CNTNAP2: variants seen among roughly 807,000 people sequenced by gnomAD.
CNTNAP2 encodes the protein contactin associated protein 2, also known as contactin-associated protein-like 2.
A neutral mutation model predicts 155.2 loss-of-function variants in CNTNAP2; 98 were observed. That is an observed-to-expected ratio of 0.63 (90% CI 0.54 to 0.75). The LOEUF is 0.75. CNTNAP2 is among the 30% of genes least tolerant of loss of function. The pLI is 0.00. For synonymous variants in CNTNAP2, 651 were observed against 631.2 expected (o/e 1.03, Z -0.47); for missense variants, 1,727 against 1,688.1 (o/e 1.02, Z -0.40).
At chr7:148,207,802 C>T (rs749501471) in intron 18 of CNTNAP2, among the ~76,000 whole-genome samples, 51 of 152,092 alleles carry the variant, frequency 3.4e-4, no homozygotes, top group Non-Finnish European at 6.2e-4. Context: ...TTGGAGGACA[C>T]CCTTTAAGAA....
intron 2 of CNTNAP2, among the ~76,000 whole-genome samples, chr7:146,778,970 G>C (rs1325596456): frequency 6.6e-6 from 1 of 152,160 alleles, no homozygotes; most frequent in Non-Finnish European, 1.5e-5. Context: ...ATCGTTTTGG[G>C]AACCCAGGGG....
At chr7:147,363,218 T>C (rs948184007) in intron 9 of CNTNAP2, among the ~76,000 whole-genome samples, 7 of 152,182 alleles carry the variant, frequency 4.6e-5, no homozygotes, top group African/African-American at 1.7e-4. Flanking sequence ...GACTAGAGCT[T>C]ACTCTCTGCT....
intron 1 of CNTNAP2, among the ~76,000 whole-genome samples, chr7:146,607,571 G>A (rs912666663): frequency 1.3e-5 from 2 of 151,966 alleles, no homozygotes; most frequent in Admixed American, 1.3e-4. Flanking sequence ...CAATCTCCTG[G>A]GCTCAAGCAT....
At chr7:147,118,736 T>C (rs1265923634) in intron 5 of CNTNAP2, among the ~76,000 whole-genome samples, 1 of 152,158 alleles carries the variant, frequency 6.6e-6, no homozygotes, top group Middle Eastern at 3.2e-3. Flanking sequence ...CTGGTAAGTA[T>C]TTGCATATCA....
rs970947381 is a variant in CNTNAP2 at position 147,903,572 on chromosome 7, C to A, written c.2106C>A (p.Ser702Arg). 6.2e-7 allele frequency: 1 copy of A among 1,614,064 alleles called. No homozygotes were observed. Among genetic ancestry groups the A allele is most frequent in the African/African-American group, 1.3e-5 (1 of 74,936 alleles). The change falls in exon 14 of 24, where the codon AGC becomes AGA. Residue 702 changes from serine to arginine, a missense_variant. Transcript: ENST00000361727. ...MSRLLNTPDG[S>R]PYTWWVGKAN... is the part of the protein sequence containing the mutation. The stretch of plus-strand genomic sequence containing the variant: ...CTTTGCCTTTTCTTGTAGATGGAAG[C>A]CCTTACACTTGGTGGGTTGGCAAAG...
intron 14 of CNTNAP2, among the ~76,000 whole-genome samples, chr7:147,947,949 G>C (rs982303902): frequency 1.3e-5 from 2 of 151,934 alleles, no homozygotes; most frequent in African/African-American, 4.8e-5. Flanking sequence ...GCTTCCAAAG[G>C]AAACATGGTC....
intron 1 of CNTNAP2, among the ~76,000 whole-genome samples, chr7:146,206,749 GT>G (rs1798952950): frequency 2.0e-5 from 3 of 152,022 alleles, no homozygotes; most frequent in Middle Eastern, 3.4e-3. Flanking sequence ...ATGTTCAGGT[GT>G]TTCTTTAATG....
At chr7:146,288,529 G>GA (rs779452141) in intron 1 of CNTNAP2, among the ~76,000 whole-genome samples, 4 of 151,342 alleles carry the variant, frequency 2.6e-5, no homozygotes, top group African/African-American at 7.3e-5. Context: ...ACGTTGATGA[G>GA]AAAAAAAAGT....
At chr7:147,020,613 T>G (rs796677765) in intron 3 of CNTNAP2, among the ~76,000 whole-genome samples, 1 of 152,320 alleles carries the variant, frequency 6.6e-6, no homozygotes, top group African/African-American at 2.4e-5. Context: ...ATACACTCCG[T>G]AAGGCCCAGT....
chr7:147,367,103 A>G (rs1796245394), intron 9 of CNTNAP2, among the ~76,000 whole-genome samples: 1 of 152,198 alleles, frequency 6.6e-6, no homozygotes, highest in South Asian at 2.1e-4. Flanking sequence ...AAAAGCACCA[A>G]AACAAACACA....
intron 4 of CNTNAP2, chr7:147,097,403 T>C (rs899783208): frequency 6.6e-6 from 1 of 152,284 alleles, no homozygotes; most frequent in Non-Finnish European, 1.5e-5. Context: ...CTGGGCACTT[T>C]ACAAAAGAAA....
In CNTNAP2 at chr7:147,128,984, A is replaced by G. The variant is rs535908327; in HGVS notation, c.1083+148A>G. 11 of 1,046,794 alleles carry G rather than the reference A, an allele frequency of 1.1e-5. 1 individual carries two copies. Among genetic ancestry groups the G allele is most frequent in the African/African-American group, 7.9e-5 (5 of 63,442 alleles). The allele number at this position is 1,046,794 out of a possible 1,614,324, so 64.8% of individuals were successfully genotyped here. On this transcript the variant is annotated intron_variant, in intron 7 of 23. Transcript: ENST00000361727. ...ATGTAAAACAAACATTAGAGTTATC[A>G]GAATTAGTATAGATACTTGCTATTC...
chr7:146,666,116 A>G (rs1012688540), intron 1 of CNTNAP2, among the ~76,000 whole-genome samples: 1 of 152,020 alleles, frequency 6.6e-6, no homozygotes, highest in Non-Finnish European at 1.5e-5. Context: ...GTAATATTGT[A>G]TCCTTTGATA....
chr7:147,872,337 C>T (rs183253853), intron 13 of CNTNAP2, among the ~76,000 whole-genome samples: 58 of 152,134 alleles, frequency 3.8e-4, no homozygotes, highest in African/African-American at 1.3e-3. Flanking sequence ...AAATATAAGC[C>T]TAAAATCATT....
intron 1 of CNTNAP2, among the ~76,000 whole-genome samples, chr7:146,747,025 T>G (rs1035668938): frequency 2.0e-5 from 3 of 152,264 alleles, no homozygotes; most frequent in Middle Eastern, 6.8e-3. Context: ...CCTGAATTCT[T>G]AAGGAATATG....
chr7:146,378,418 C>T (rs1795334938), intron 1 of CNTNAP2, among the ~76,000 whole-genome samples: 1 of 152,094 alleles, frequency 6.6e-6, no homozygotes, highest in African/African-American at 2.4e-5. Context: ...ATGATGATGA[C>T]AATGACGACA....
chr7:147,628,929 A>C (rs551780544), intron 12 of CNTNAP2, among the ~76,000 whole-genome samples: 6 of 151,994 alleles, frequency 3.9e-5, no homozygotes, highest in Admixed American at 6.6e-5. Flanking sequence ...AATTACTCCA[A>C]CAGAAAAATA....
At chr7:147,703,847 G>A (rs567985505) in intron 13 of CNTNAP2, among the ~76,000 whole-genome samples, 63 of 151,866 alleles carry the variant, frequency 4.1e-4, no homozygotes, top group African/African-American at 1.2e-3. Flanking sequence ...ACTTCTCTTC[G>A]TCTCGCTCCC....
chr7:146,169,362 A>G (rs1798356828), intron 1 of CNTNAP2, among the ~76,000 whole-genome samples: 1 of 152,196 alleles, frequency 6.6e-6, no homozygotes, highest in Non-Finnish European at 1.5e-5. Flanking sequence ...TTACAGCTTT[A>G]GGAGATAAAA....
Sources: gnomAD v4.1 joint callset for allele counts (sites outside exome capture counted in the v4.1 genomes callset) on GRCh38, gnomAD v4.1.1 for gene constraint, MANE v1.5 for transcripts, NCBI Gene and HGNC (gene_info 2026-07-23, HGNC 2026-07-21) for gene names.